The following PTPRM variants were observed in gnomAD, a reference collection of about 807,000 sequenced individuals.
PTPRM encodes the protein protein tyrosine phosphatase receptor type M.
A neutral mutation model predicts 186.7 loss-of-function variants in PTPRM; 47 were observed. That is an observed-to-expected ratio of 0.25 (90% CI 0.20 to 0.32). The LOEUF (loss-of-function observed/expected upper bound fraction) is 0.32, where lower values mean the gene tolerates loss of function less well. Ranked by LOEUF, PTPRM falls within the 10% of genes least tolerant of loss-of-function variation. The probability of loss-of-function intolerance (pLI) is 1.00; values close to 1 mark genes in which losing one functional copy is unlikely to be tolerated. For missense variants in PTPRM, 1,494 were observed against 1,865.0 expected (o/e 0.80, Z 3.66); for synonymous variants, 668 against 674.9 (o/e 0.99, Z 0.16).
chr18:7,964,072 T>A (rs2053858608), intron 7 of PTPRM, among the ~76,000 whole-genome samples: 1 of 152,178 alleles, frequency 6.6e-6, no homozygotes, highest in African/African-American at 2.4e-5. Context: ...ACATGATTAA[T>A]TTTTTATTAG....
intron 11 of PTPRM, among the ~76,000 whole-genome samples, chr18:8,103,671 T>C (rs2091392097): frequency 6.6e-6 from 1 of 152,228 alleles, no homozygotes; most frequent in African/African-American, 2.4e-5. Context: ...TAACACTTTC[T>C]CCATATCAGC....
chr18:7,689,392 A>T (rs1181055849), intron 1 of PTPRM, among the ~76,000 whole-genome samples: 1 of 152,184 alleles, frequency 6.6e-6, no homozygotes, highest in Non-Finnish European at 1.5e-5. Flanking sequence ...CACAGTAGCA[A>T]TGCCCTCCCT....
At chr18:7,724,416 C>A (rs559731525) in intron 1 of PTPRM, among the ~76,000 whole-genome samples, 8 of 152,266 alleles carry the variant, frequency 5.3e-5, no homozygotes, top group African/African-American at 1.9e-4. Context: ...TTAACCTAGA[C>A]CAAACCTACA....
chr18:8,321,432 CT>C (rs1454127971), intron 22 of PTPRM, among the ~76,000 whole-genome samples: 3 of 152,192 alleles, frequency 2.0e-5, no homozygotes, highest in Non-Finnish European at 2.9e-5. Context: ...CCCTCTCCCC[CT>C]GTAAGAGATT....
rs115969903 is a variant in PTPRM at position 8,015,601 on chromosome 18, T to C, written c.1133-54085T>C. Among the ~76,000 whole-genome samples, 847 of 152,298 alleles carry C rather than the reference T, an allele frequency of 5.6e-3. 8 individuals carry two copies. Among genetic ancestry groups the C allele is most frequent in the African/African-American group, 0.019 (809 of 41,558 alleles). On this transcript the variant is annotated intron_variant, in intron 7 of 32. Coordinates refer to ENST00000580170, the MANE Select transcript of PTPRM (RefSeq NM_001105244.2). Reference sequence around the variant, plus strand: ...TTACTTTGATAGGGCTTACTATACTTAGTATGATAGTTTTTAAATTAATTT... The same window carrying C: ...TTACTTTGATAGGGCTTACTATACTCAGTATGATAGTTTTTAAATTAATTT...
chr18:7,945,234 A>G (rs996246400), intron 5 of PTPRM, among the ~76,000 whole-genome samples: 2 of 151,504 alleles, frequency 1.3e-5, no homozygotes, highest in Non-Finnish European at 2.9e-5. Context: ...CGGGCAGATC[A>G]TGAGGTCAGG....
At chr18:8,378,172 C>G (rs1297710477) in intron 26 of PTPRM, 93 bp from the exon 27 acceptor site, 1 of 1,308,772 alleles carries the variant, frequency 7.6e-7, no homozygotes, top group East Asian at 2.3e-5. Flanking sequence ...GAACTGTCTC[C>G]ACTCTCTTGA....
chr18:7,900,166 G>T (rs1264721154), intron 3 of PTPRM, among the ~76,000 whole-genome samples: 1 of 152,230 alleles, frequency 6.6e-6, no homozygotes, highest in Non-Finnish European at 1.5e-5. Context: ...CAGTCCAAAC[G>T]CTGTCTGTGG....
At chr18:8,268,284 A>G (rs1032532844) in intron 19 of PTPRM, among the ~76,000 whole-genome samples, 1 of 152,114 alleles carries the variant, frequency 6.6e-6, no homozygotes, top group Admixed American at 6.5e-5. Flanking sequence ...TTCTTTATAA[A>G]TCCTATACAT....
At chr18:8,398,355 G>A (rs2095854985) in intron 32 of PTPRM, among the ~76,000 whole-genome samples, 1 of 152,016 alleles carries the variant, frequency 6.6e-6, no homozygotes, top group East Asian at 1.9e-4. Flanking sequence ...AGCATCACTG[G>A]GCATTGATGC....
At chr18:7,698,562 A>T (rs1318230242) in intron 1 of PTPRM, among the ~76,000 whole-genome samples, 1 of 152,224 alleles carries the variant, frequency 6.6e-6, no homozygotes, top group Non-Finnish European at 1.5e-5. Flanking sequence ...TGTCTAAAAT[A>T]TATTACTGTA....
At chr18:8,054,441 T>C (rs2087763429) in intron 7 of PTPRM, among the ~76,000 whole-genome samples, 1 of 151,168 alleles carries the variant, frequency 6.6e-6, no homozygotes, top group Non-Finnish European at 1.5e-5. Context: ...TTTTTTCCCA[T>C]AATTGACTGA....
chr18:7,632,171 T>G (rs2038207501), intron 1 of PTPRM, among the ~76,000 whole-genome samples: 2 of 152,218 alleles, frequency 1.3e-5, no homozygotes, highest in South Asian at 4.1e-4. Flanking sequence ...TGAAGCTGTT[T>G]GCCTAGCATA....
chr18:8,290,395 AT>A (rs908656124), intron 19 of PTPRM, among the ~76,000 whole-genome samples: 4 of 151,554 alleles, frequency 2.6e-5, no homozygotes, highest in African/African-American at 7.3e-5. Flanking sequence ...GTTGAATAGG[AT>A]TTTTTTCTCC....
At chr18:8,262,521 G>A (rs896213571) in intron 19 of PTPRM, among the ~76,000 whole-genome samples, 1 of 152,062 alleles carries the variant, frequency 6.6e-6, no homozygotes, top group Non-Finnish European at 1.5e-5. Flanking sequence ...AGGCCTCCAG[G>A]GCTCATGCTG....
At chr18:7,672,416 G>C (rs55774732) in intron 1 of PTPRM, among the ~76,000 whole-genome samples, 17,083 of 152,046 alleles carry the variant, frequency 0.11, 1,038 homozygotes, top group East Asian at 0.2. Context: ...ATTAAACGAA[G>C]ACCTAGTTAA....
chr18:7,759,943 A>G (rs2041688741), intron 1 of PTPRM, among the ~76,000 whole-genome samples: 1 of 152,182 alleles, frequency 6.6e-6, no homozygotes. Context: ...ATATGATGTC[A>G]TTTTGGATTG....
chr18:7,846,618 G>A (rs1034640017), intron 2 of PTPRM, among the ~76,000 whole-genome samples: 13 of 152,172 alleles, frequency 8.5e-5, no homozygotes, highest in African/African-American at 2.7e-4. Flanking sequence ...TGTGTTCCTG[G>A]GTTCCCCAAT....
chr18:7,755,734 T>C (rs1471211213), intron 1 of PTPRM, among the ~76,000 whole-genome samples: 1 of 152,214 alleles, frequency 6.6e-6, no homozygotes, highest in Non-Finnish European at 1.5e-5. Flanking sequence ...AGTGATAGGT[T>C]ACACTAATTA....
Sources: gnomAD v4.1 joint callset for allele counts (sites outside exome capture counted in the v4.1 genomes callset) on GRCh38, gnomAD v4.1.1 for gene constraint, MANE v1.5 for transcripts, NCBI Gene and HGNC (gene_info 2026-07-23, HGNC 2026-07-21) for gene names.